Variants in LRRC4C observed in about 807,000 individuals in gnomAD.
LRRC4C encodes leucine-rich repeat-containing protein 4C.
LRRC4C carries 5 observed loss-of-function variants against 33.6 expected under a neutral mutation model. The observed-to-expected ratio is 0.15, with a 90% CI of 0.08 to 0.31. LRRC4C has a LOEUF of 0.31. LRRC4C is among the 10% of genes least tolerant of loss of function. The probability of loss-of-function intolerance (pLI) is 1.00; values close to 1 mark genes in which losing one functional copy is unlikely to be tolerated. For synonymous variants in LRRC4C, 329 were observed against 302.0 expected (o/e 1.09, Z -0.93); for missense variants, 560 against 796.7 (o/e 0.70, Z 3.58).
intron 5 of LRRC4C, among the ~76,000 whole-genome samples, chr11:40,235,780 G>A (rs71482198): frequency 7.0e-4 from 107 of 152,206 alleles, no homozygotes; most frequent in Non-Finnish European, 1.2e-3. Flanking sequence ...AACCCAAGAA[G>A]AAAATATCTA....
At chr11:41,081,378 A>G (rs1174196965) in intron 1 of LRRC4C, among the ~76,000 whole-genome samples, 1 of 152,204 alleles carries the variant, frequency 6.6e-6, no homozygotes, top group Non-Finnish European at 1.5e-5. Context: ...GCACTGAATA[A>G]AAAGGTCCCA....
At chr11:40,497,115 A>G (rs1023734185) in intron 3 of LRRC4C, among the ~76,000 whole-genome samples, 1 of 152,070 alleles carries the variant, frequency 6.6e-6, no homozygotes, top group Non-Finnish European at 1.5e-5. Context: ...ATCAAAAGTC[A>G]TGAGTTATTG....
chr11:40,845,400 G>A (rs1953110689), intron 2 of LRRC4C, among the ~76,000 whole-genome samples: 1 of 152,130 alleles, frequency 6.6e-6, no homozygotes, highest in Admixed American at 6.6e-5. Flanking sequence ...GCGAGAACCT[G>A]ATTGCCCTGG....
chr11:41,349,706 T>G (rs1951912400), intron 1 of LRRC4C, among the ~76,000 whole-genome samples: 1 of 152,114 alleles, frequency 6.6e-6, no homozygotes, highest in African/African-American at 2.4e-5. Flanking sequence ...AATATCAGCC[T>G]ACACAGATGA....
At chr11:40,502,791 C>T (rs547047798) in intron 3 of LRRC4C, among the ~76,000 whole-genome samples, 92 of 152,212 alleles carry the variant, frequency 6.0e-4, no homozygotes, top group South Asian at 3.5e-3. Context: ...TCTTTGATCA[C>T]GACTTGGTTT....
intron 2 of LRRC4C, among the ~76,000 whole-genome samples, chr11:40,807,998 C>T (rs762812450): frequency 2.0e-5 from 3 of 152,076 alleles, no homozygotes; most frequent in African/African-American, 7.2e-5. Context: ...CTGCTAATTA[C>T]CAGTTTTTTT....
At chr11:41,014,212 T>C (rs1396403717) in intron 1 of LRRC4C, among the ~76,000 whole-genome samples, 1 of 152,178 alleles carries the variant, frequency 6.6e-6, no homozygotes, top group African/African-American at 2.4e-5. Context: ...AGCCCCATTT[T>C]CTAATGCCAT....
intron 3 of LRRC4C, among the ~76,000 whole-genome samples, chr11:40,470,069 C>T (rs1439050552): frequency 6.6e-6 from 1 of 152,218 alleles, no homozygotes; most frequent in African/African-American, 2.4e-5. Flanking sequence ...GGTCCCTGAC[C>T]CCCATGCCTC....
At position 41,133,632 on chromosome 11, in the gene LRRC4C, T is replaced by G. The variant is rs75427226; in HGVS notation, c.-495-199909A>C. On this transcript the variant is annotated intron_variant, in intron 1 of 6. Transcript: ENST00000528697. ...ACTTTAGAGTTTAGGAGCAACAACTTCCCAGCATTAATGTTAAAATAGAGA... is the reference window on the plus strand; with the variant it reads ...ACTTTAGAGTTTAGGAGCAACAACTGCCCAGCATTAATGTTAAAATAGAGA... Among the ~76,000 whole-genome samples the G allele has an allele frequency of 8.9e-3, 1,350 of 151,696 alleles. 18 individuals are homozygous for G. The highest frequency in any genetic ancestry group is 0.029 in the African/African-American group (1,182 of 41,318).
At chr11:40,205,809 G>C (rs969287521) in intron 5 of LRRC4C, among the ~76,000 whole-genome samples, 2 of 152,152 alleles carry the variant, frequency 1.3e-5, no homozygotes, top group African/African-American at 4.8e-5. Context: ...TTACAAGTAT[G>C]TTAATAGTTG....
Position 40,859,331 on chromosome 11 carries a change from G to A in LRRC4C, c.-407+74304C>T, listed in dbSNP as rs116147516. On this transcript the variant is annotated intron_variant, in intron 2 of 6. Coordinates refer to ENST00000528697, the MANE Select transcript of LRRC4C (RefSeq NM_001258419.2). ...AGATTATGGTAGTGAAGGAGTCATA[G>A]AAAGTCCGTAGTAATGAAATGAGAT... 2.9e-3 allele frequency among the ~76,000 whole-genome samples: 434 copies of A among 152,114 alleles called. 4 individuals carry two copies. Among genetic ancestry groups the A allele is most frequent in the African/African-American group, 9.9e-3 (409 of 41,510 alleles).
At chr11:41,241,586 T>G (rs1324733262) in intron 1 of LRRC4C, among the ~76,000 whole-genome samples, 2 of 152,156 alleles carry the variant, frequency 1.3e-5, no homozygotes, top group Non-Finnish European at 2.9e-5. Context: ...GAATAAAGTT[T>G]GAATATCTCT....
chr11:40,869,489 A>T lies in LRRC4C; in HGVS notation c.-407+64146T>A, dbSNP rs1954530117. 3.3e-5 allele frequency among the ~76,000 whole-genome samples: 5 copies of T among 152,140 alleles called. No individual in the cohort carries two copies. The South Asian group carries it at 1.0e-3, about 31-fold the overall frequency. On this transcript the variant is annotated intron_variant, in intron 2 of 6. Coordinates refer to ENST00000528697, the MANE Select transcript of LRRC4C (RefSeq NM_001258419.2). Reference sequence around the variant, plus strand: ...CTCCCAGTAGACAGAAACATCTGAAACTGGTGATCAGCAGCTTCTCGATAA... The same window carrying T: ...CTCCCAGTAGACAGAAACATCTGAATCTGGTGATCAGCAGCTTCTCGATAA...
chr11:40,309,217 A>G (rs1945184381), intron 4 of LRRC4C, among the ~76,000 whole-genome samples: 1 of 152,136 alleles, frequency 6.6e-6, no homozygotes, highest in African/African-American at 2.4e-5. Context: ...TCTACTTTCT[A>G]TTTCTATAGA....
At chr11:41,220,075 A>C (rs998849000) in intron 1 of LRRC4C, among the ~76,000 whole-genome samples, 2 of 152,122 alleles carry the variant, frequency 1.3e-5, no homozygotes, top group African/African-American at 4.8e-5. Context: ...TGAAAGTTAA[A>C]ATCAGAGTTT....
intron 1 of LRRC4C, among the ~76,000 whole-genome samples, chr11:41,239,867 T>A (rs1056527264): frequency 3.3e-5 from 5 of 152,170 alleles, no homozygotes; most frequent in Non-Finnish European, 7.3e-5. Flanking sequence ...TCTATATTAT[T>A]TTCGTTCATT....
At chr11:41,108,583 C>T (rs1941649254) in intron 1 of LRRC4C, among the ~76,000 whole-genome samples, 1 of 152,046 alleles carries the variant, frequency 6.6e-6, no homozygotes, top group African/African-American at 2.4e-5. Context: ...ATCTACTTGT[C>T]AAATATATTA....
Position 40,960,128 on chromosome 11 carries a change from G to A in LRRC4C, c.-495-26405C>T, listed in dbSNP as rs182341782. On this transcript the variant is annotated intron_variant, in intron 1 of 6. Coordinates refer to ENST00000528697, the MANE Select transcript of LRRC4C (RefSeq NM_001258419.2). ...AAGAGGGAAGAAAGAAAAAAGGAAGGAAGGAGGGAAGGAAGGAAGGAAGGA... is the reference window on the plus strand; with the variant it reads ...AAGAGGGAAGAAAGAAAAAAGGAAGAAAGGAGGGAAGGAAGGAAGGAAGGA... Among the ~76,000 whole-genome samples, 256 of 151,384 alleles carry A rather than the reference G, an allele frequency of 1.7e-3. 1 individual carries two copies. The highest frequency in any genetic ancestry group is 5.8e-3 in the African/African-American group (240 of 41,332).
chr11:40,204,471 G>C (rs1386886375), intron 5 of LRRC4C, among the ~76,000 whole-genome samples: 1 of 151,992 alleles, frequency 6.6e-6, no homozygotes, highest in Non-Finnish European at 1.5e-5. Context: ...CTTTTTAAAA[G>C]CCTCTTGTCA....
Sources: allele counts gnomAD v4.1 joint callset (sites outside exome capture counted in the v4.1 genomes callset), GRCh38; gene constraint gnomAD v4.1.1; transcripts MANE v1.5; gene names NCBI Gene and HGNC (gene_info 2026-07-23, HGNC 2026-07-21).